The following CDK12 variants were observed in gnomAD, a reference collection of about 807,000 sequenced individuals.
CDK12 encodes the protein cyclin-dependent kinase 12.
In CDK12, 17 loss-of-function variants were observed where a neutral mutation model predicts 133.8. The ratio of observed to expected loss-of-function variants is 0.13; its 90% CI spans 0.09 to 0.19. The LOEUF is 0.19. Among genes scored for constraint, CDK12 ranks in the 10% least tolerant of loss-of-function variants. The pLI, the probability that CDK12 is intolerant of heterozygous loss-of-function variation, is 1.00. For synonymous variants in CDK12, 694 were observed against 683.6 expected, an observed-to-expected ratio of 1.02 and a Z score of -0.24; for missense variants, 1,508 against 1,818.7, an observed-to-expected ratio of 0.83 and a Z score of 3.11.
At chr17:39,506,610 G>A (rs2053146946) in intron 6 of CDK12, among the ~76,000 whole-genome samples, 1 of 152,118 alleles carries the variant, frequency 6.6e-6, no homozygotes, top group African/African-American at 2.4e-5. Context: ...GGGACTTAGG[G>A]ATTAGCTATA....
chr17:39,562,171 C>CTCG (rs2056397947), intron 3 of CDK12, among the ~76,000 whole-genome samples: 1 of 152,172 alleles, frequency 6.6e-6, no homozygotes, highest in Non-Finnish European at 1.5e-5. Context: ...AACTTCTGAC[C>CTCG]TCGTGATCCA....
intron 2 of CDK12, among the ~76,000 whole-genome samples, chr17:39,489,420 A>T (rs904421146): frequency 6.6e-6 from 1 of 150,950 alleles, no homozygotes; most frequent in Non-Finnish European, 1.5e-5. Context: ...GGCCAGGCTG[A>T]TCTTCAACTC....
chr17:39,505,666 C>T (rs1261401168), intron 6 of CDK12, among the ~76,000 whole-genome samples: 1 of 152,094 alleles, frequency 6.6e-6, no homozygotes, highest in Non-Finnish European at 1.5e-5. Context: ...TTTTTATGTA[C>T]CATTGACCGT....
At chr17:39,503,797 G>T (rs182305496) in intron 6 of CDK12, among the ~76,000 whole-genome samples, 1 of 152,198 alleles carries the variant, frequency 6.6e-6, no homozygotes, top group African/African-American at 2.4e-5. Flanking sequence ...AGAAAATGGT[G>T]AAGGGTCGTC....
At chr17:39,514,202 T>G (rs1224993203) in intron 8 of CDK12, among the ~76,000 whole-genome samples, 1 of 152,166 alleles carries the variant, frequency 6.6e-6, no homozygotes, top group Non-Finnish European at 1.5e-5. Flanking sequence ...GGCCTAAATT[T>G]TATTTTCACT....
At position 39,462,604 on chromosome 17, in the gene CDK12, A is replaced by C. The variant is rs984483662; in HGVS notation, c.533A>C (p.Lys178Thr). The C allele has an allele frequency of 6.2e-7, 1 of 1,614,162 alleles. No homozygotes were observed. Among genetic ancestry groups the C allele is most frequent in the African/African-American group, 1.3e-5 (1 of 75,042 alleles). ...AGCAGCAAGGAATCCAGGTCATCCA[A>C]GCTCCACAAGGAGAAGACCAGGAAA... The part of the protein sequence containing the change: ...KSSSKESRSS[K>T]LHKEKTRKER... The change falls in exon 1 of 14, where the codon AAG becomes ACG. Residue 178 changes from lysine (K) to threonine (T), a missense_variant. Lys to Thr is a moderately conservative substitution (Grantham distance 78). Around this residue, in one of 9 missense-constraint regions of CDK12, gnomAD observed 460 missense variants for 490.8 expected, o/e 0.94. Coordinates refer to ENST00000447079, the MANE Select transcript of CDK12 (RefSeq NM_016507.4).
Position 39,494,387 on chromosome 17 carries a change from T to G in CDK12, c.2249-137T>G, listed in dbSNP as rs932732965. Reference sequence around the variant, plus strand: ...TGCGCCTGGCCTAGAGTTTACTTTTTAAAGGTGTATAAGTATCTCGTGTAA... The same window carrying G: ...TGCGCCTGGCCTAGAGTTTACTTTTGAAAGGTGTATAAGTATCTCGTGTAA... On this transcript the variant is annotated intron_variant, in intron 4 of 13. Transcript: ENST00000447079. The G allele has an allele frequency of 1.0e-5, 7 of 700,212 alleles. 1 individual carries two copies. Among genetic ancestry groups the G allele is most frequent in the South Asian group, 7.8e-5 (4 of 50,992 alleles). 43.4% of individuals were successfully genotyped at this position (700,212 alleles called of 1,614,324 possible).
At chr17:39,488,622 A>G (rs1056362879) in intron 2 of CDK12, among the ~76,000 whole-genome samples, 4 of 152,190 alleles carry the variant, frequency 2.6e-5, no homozygotes, top group African/African-American at 9.7e-5. Flanking sequence ...ATAGAGTAGT[A>G]TTAAATTGTT....
chr17:39,479,177 G>A (rs748952491), intron 2 of CDK12, among the ~76,000 whole-genome samples: 4 of 151,836 alleles, frequency 2.6e-5, no homozygotes, highest in Admixed American at 6.6e-5. Flanking sequence ...GCATGGTGGC[G>A]GGCCCCTGTA....
At position 39,470,864 on chromosome 17, in the gene CDK12, T is replaced by A. The variant is rs772732127; in HGVS notation, c.1047-15T>A. ...TGTAGTCCATTCATTTAAAACTGGCTTTTTATTTTTCCAGTAGGAAATCCA... is the reference window on the plus strand; with the variant it reads ...TGTAGTCCATTCATTTAAAACTGGCATTTTATTTTTCCAGTAGGAAATCCA... On this transcript the variant is annotated splice_polypyrimidine_tract_variant and intron_variant, in intron 1 of 13. Transcript: ENST00000447079. 6.3e-7 allele frequency: 1 copy of A among 1,584,198 alleles called. No individual in the cohort carries two copies. The highest frequency in any genetic ancestry group is 2.2e-5 in the East Asian group (1 of 44,768).
intron 2 of CDK12, among the ~76,000 whole-genome samples, chr17:39,554,760 T>G (rs754187918): frequency 6.6e-6 from 1 of 152,082 alleles, no homozygotes; most frequent in Non-Finnish European, 1.5e-5. Context: ...GCACCTGTAG[T>G]CCCAGCTACT....
downstream of CDK12, among the ~76,000 whole-genome samples, chr17:39,565,986 T>C (rs1356856425): frequency 1.3e-5 from 2 of 152,190 alleles, no homozygotes; most frequent in East Asian, 3.8e-4. Flanking sequence ...GGCCTGTATG[T>C]AGAGTCAGGA....
At chr17:39,481,625 GCTCGCGCGCTCTCTCTCTCT>G (rs2050659602) in intron 2 of CDK12, among the ~76,000 whole-genome samples, 1 of 100,612 alleles carries the variant, frequency 9.9e-6, no homozygotes, top group African/African-American at 3.7e-5. Context: ...GTGCTTGCTC[GCTCGCGCGCTCTCTCTCTCT>G]CTCTCTCTCT....
At chr17:39,514,172 A>G (rs1440068381) in intron 8 of CDK12, among the ~76,000 whole-genome samples, 1 of 152,150 alleles carries the variant, frequency 6.6e-6, no homozygotes, top group African/African-American at 2.4e-5. Context: ...CCAGGATTAC[A>G]GGCATCAGCC....
chr17:39,512,232 GGCGTA>G (rs1174043574), intron 8 of CDK12, among the ~76,000 whole-genome samples: 1 of 152,066 alleles, frequency 6.6e-6, no homozygotes, highest in Middle Eastern at 3.2e-3. Context: ...TGTGACTACA[GGCGTA>G]TGTTGCCATA....
At chr17:39,555,759 C>T (rs2056130130) in intron 2 of CDK12, among the ~76,000 whole-genome samples, 1 of 149,766 alleles carries the variant, frequency 6.7e-6, no homozygotes, top group South Asian at 2.1e-4. Context: ...TTTGGGAGGC[C>T]GAGATGGGTG....
Position 39,501,236 on chromosome 17 carries a change from T to C in CDK12, c.2420-14T>C, listed in dbSNP as rs751306203. 4 of 1,500,322 alleles carry C rather than the reference T, an allele frequency of 2.7e-6. No individual in the cohort carries two copies. The East Asian group carries it at 9.7e-5, about 37-fold the overall frequency. 92.9% of individuals were successfully genotyped at this position (1,500,322 alleles called of 1,614,324 possible). On this transcript the variant is annotated splice_polypyrimidine_tract_variant and intron_variant, in intron 5 of 13. Coordinates refer to ENST00000447079, the MANE Select transcript of CDK12 (RefSeq NM_016507.4). ...TTTTTTTCTTGCTTTTAATTTTTTT[T>C]CGTCTTTATGTAGGTGCCTTTTACC...
At chr17:39,510,262 G>C (rs1259725121) in intron 7 of CDK12, among the ~76,000 whole-genome samples, 1 of 151,582 alleles carries the variant, frequency 6.6e-6, no homozygotes, top group African/African-American at 2.4e-5. Flanking sequence ...TGGTATTACA[G>C]GTGCCCGCCA....
intron 4 of CDK12, among the ~76,000 whole-genome samples, chr17:39,494,270 A>G (rs531513485): frequency 4.4e-4 from 67 of 152,214 alleles, no homozygotes; most frequent in Non-Finnish European, 5.4e-4. Context: ...ACGGGGTTTC[A>G]CCACGTTGGC....
Sources: gnomAD v4.1 joint callset for allele counts (sites outside exome capture counted in the v4.1 genomes callset) on GRCh38, gnomAD v4.1.1 for gene constraint, gnomAD v4.1.1 regional missense constraint, MANE v1.5 for transcripts, NCBI Gene and HGNC (gene_info 2026-07-23, HGNC 2026-07-21) for gene names.